Variants in UTP20 observed in about 807,000 individuals in gnomAD.
The protein encoded by UTP20 is small subunit processome component 20 homolog.
In UTP20, 164 loss-of-function variants were observed where a neutral mutation model predicts 329.5. That is an observed-to-expected ratio of 0.50 (90% confidence interval 0.44 to 0.57). The LOEUF (loss-of-function observed/expected upper bound fraction) is 0.57. Ranked by LOEUF, UTP20 falls within the 20% of genes least tolerant of loss-of-function variation. UTP20 has a pLI of 0.00. For synonymous variants in UTP20, 1,151 were observed against 1,159.3 expected (o/e 0.99, Z 0.14); for missense variants, 3,055 against 3,284.2 (o/e 0.93, Z 1.71).
chr12:101,354,719 G>T (rs1213213576), intron 40 of UTP20, 113 bp from the exon 41 acceptor site: 11 of 1,161,212 alleles, frequency 9.5e-6, no homozygotes, highest in Non-Finnish European at 1.3e-5. Flanking sequence ...GCCCACAGTT[G>T]CTGATTAGAT....
At chr12:101,310,688 G>A (rs1265055381) in intron 19 of UTP20, among the ~76,000 whole-genome samples, 2 of 151,266 alleles carry the variant, frequency 1.3e-5, no homozygotes, top group East Asian at 3.9e-4. Flanking sequence ...TTATCAGATT[G>A]GAAATATGTC....
At chr12:101,348,952 GT>G (rs2120957653) in intron 38 of UTP20, among the ~76,000 whole-genome samples, 1 of 151,948 alleles carries the variant, frequency 6.6e-6, no homozygotes, top group East Asian at 1.9e-4. Flanking sequence ...TGCAGCTTTT[GT>G]TTGTCTTTTC....
At chr12:101,306,831 T>C (rs191114974) in intron 17 of UTP20, 70 bp downstream of exon 17, 2 of 1,410,254 alleles carry the variant, frequency 1.4e-6, no homozygotes, top group Non-Finnish European at 1.9e-6. Flanking sequence ...GTTTCCAAAA[T>C]GATACCTTTG....
chr12:101,315,317 C>G (rs1444356506), intron 21 of UTP20, among the ~76,000 whole-genome samples: 2 of 151,940 alleles, frequency 1.3e-5, no homozygotes, highest in Non-Finnish European at 2.9e-5. Context: ...AACCCTGTCT[C>G]TACCAAAAAT....
chr12:101,319,754 G>T, intron 23 of UTP20, 119 bp downstream of exon 23: 6 of 737,244 alleles, frequency 8.1e-6, no homozygotes, highest in East Asian at 6.5e-5. Flanking sequence ...TACATTTTAA[G>T]TATTAAAGCC....
chr12:101,343,523 T>G (rs1303286248), intron 35 of UTP20, among the ~76,000 whole-genome samples: 1 of 152,158 alleles, frequency 6.6e-6, no homozygotes, highest in Non-Finnish European at 1.5e-5. Context: ...GTAAATTTTT[T>G]TTTTGGAGAC....
chr12:101,317,752 C>T, intron 22 of UTP20, 89 bp downstream of exon 22: 1 of 1,313,804 alleles, frequency 7.6e-7, no homozygotes. Context: ...AAATCAACTA[C>T]TCAGATAATT....
At chr12:101,345,443 TAACAG>T in intron 36 of UTP20, 106 bp from the exon 37 acceptor site, 1 of 757,096 alleles carries the variant, frequency 1.3e-6, no homozygotes, top group African/African-American at 1.8e-5. Context: ...CTTTTTTTTT[TAACAG>T]TGGAAATATT....
In UTP20 at chr12:101,370,564, G is replaced by A. The variant is rs753718531; in HGVS notation, c.6687+1G>A. On this transcript the variant is annotated splice_donor_variant, in intron 50 of 61. Coordinates refer to ENST00000261637, the MANE Select transcript of UTP20 (RefSeq NM_014503.3). LOFTEE classifies it high-confidence loss of function. ...AGCCACTGCCTTTGGTCTTCTGAAG[G>A]TATGCTGTCGCCAGAATGTTGACTG... The A allele has an allele frequency of 1.2e-6, 2 of 1,611,540 alleles. No homozygotes were observed. The highest frequency in any genetic ancestry group is 2.2e-5 in the East Asian group (1 of 44,852).
At chr12:101,293,102 C>T in intron 10 of UTP20, 66 bp from the exon 11 acceptor site, 1 of 1,512,648 alleles carries the variant, frequency 6.6e-7, no homozygotes, top group South Asian at 1.1e-5. Flanking sequence ...TCTATAGCTG[C>T]TTGCTGGGGG....
chr12:101,281,511 C>T (rs1266872940), intron 2 of UTP20, among the ~76,000 whole-genome samples: 1 of 152,122 alleles, frequency 6.6e-6, no homozygotes, highest in East Asian at 1.9e-4. Context: ...TGATTCTAGC[C>T]TCTCCCTTTC....
chr12:101,295,500 G>T lies in UTP20; in HGVS notation c.1272G>T (p.Leu424=). 2 of 1,600,880 alleles carry T rather than the reference G, an allele frequency of 1.2e-6. No individual in the cohort carries two copies. The highest frequency in any genetic ancestry group is 1.3e-5 in the African/African-American group (1 of 74,694). Reference sequence around the variant, plus strand: ...TTTAGCTTTTTCTACCAAGCTTTCTGTCATATATTGTGAATTGCTTCTTAA... The same window carrying T: ...TTTAGCTTTTTCTACCAAGCTTTCTTTCATATATTGTGAATTGCTTCTTAA... ...QFEQLFLPSF[L]SYIVNCFLID... Residue 424 remains leucine (L), a synonymous_variant, in exon 12 of 62, where the codon CTG becomes CTT. Transcript: ENST00000261637.
intron 27 of UTP20, among the ~76,000 whole-genome samples, chr12:101,332,890 AT>A (rs939546710): frequency 1.8e-4 from 28 of 152,180 alleles, no homozygotes; most frequent in Admixed American, 9.8e-4. Context: ...TGAAGATTTA[AT>A]TTTTTTCCCC....
intron 38 of UTP20, among the ~76,000 whole-genome samples, chr12:101,347,912 T>C (rs1426837675): frequency 1.3e-5 from 2 of 152,168 alleles, no homozygotes; most frequent in African/African-American, 4.8e-5. Context: ...CACTGCAACC[T>C]CCACCTCCCA....
chr12:101,351,407 G>A (rs1327132298), intron 38 of UTP20, among the ~76,000 whole-genome samples: 1 of 152,134 alleles, frequency 6.6e-6, no homozygotes, highest in Non-Finnish European at 1.5e-5. Flanking sequence ...TTACAGGCGT[G>A]TGCCACCGCG....
intron 27 of UTP20, among the ~76,000 whole-genome samples, chr12:101,331,616 A>G (rs1335030566): frequency 6.6e-6 from 1 of 152,234 alleles, no homozygotes; most frequent in Non-Finnish European, 1.5e-5. Flanking sequence ...AATGTGCTGT[A>G]TCAGATTCAA....
Position 101,306,760 on chromosome 12 carries a change from A to G in UTP20, c.1994A>G (p.Glu665Gly), listed in dbSNP as rs1872650733. 6.2e-7 allele frequency: 1 copy of G among 1,603,798 alleles called. No homozygotes were observed. Among genetic ancestry groups the G allele is most frequent in the Admixed American group, 1.7e-5 (1 of 59,328 alleles). Residue 665 changes from glutamate to glycine, a missense_variant and splice_region_variant, in exon 17 of 62, where the codon GAG becomes GGG. Glu to Gly is a moderately conservative substitution (Grantham distance 98). Around this residue, in one of 3 missense-constraint regions of UTP20, gnomAD observed 2,445 missense variants for 2,575.5 expected, o/e 0.95. Transcript: ENST00000261637. ...GATGTCCAGCTTCCAGAATCAATGG[A>G]GGTATTTTAACTGTTTGAGTGGATA... ...HFDVQLPESM[E>G]DDGLSERQSV... is the part of the protein sequence containing the mutation.
At chr12:101,305,569 T>C (rs1379486) in intron 15 of UTP20, among the ~76,000 whole-genome samples, 78,501 of 146,950 alleles carry the variant, frequency 0.53, 22,242 homozygotes, top group East Asian at 0.94. Context: ...TTAAATTTAA[T>C]ATTTAATATT....
intron 41 of UTP20, 56 bp from the exon 42 acceptor site, chr12:101,356,498 G>A: frequency 6.2e-6 from 9 of 1,440,564 alleles, no homozygotes; most frequent in Non-Finnish European, 8.5e-6. Context: ...TTGCAGTGTT[G>A]GTAGATCACT....
Sources: allele counts gnomAD v4.1 joint callset (sites outside exome capture counted in the v4.1 genomes callset), GRCh38; gene constraint gnomAD v4.1.1; regional missense constraint gnomAD v4.1.1; transcripts MANE v1.5; gene names NCBI Gene and HGNC (gene_info 2026-07-23, HGNC 2026-07-21).